Variants in FOXN3 observed in about 807,000 individuals in gnomAD.
The protein encoded by FOXN3 is forkhead box N3, also known as forkhead box protein N3.
Under a neutral mutation model 38.4 loss-of-function variants are expected in FOXN3, and 7 were observed. The ratio of observed to expected loss-of-function variants is 0.18; its 90% CI spans 0.10 to 0.34. The LOEUF (loss-of-function observed/expected upper bound fraction) is 0.34. Ranked by LOEUF, FOXN3 falls within the 10% of genes least tolerant of loss-of-function variation. FOXN3 has a pLI of 1.00. For synonymous variants in FOXN3, 230 were observed against 242.2 expected, an observed-to-expected ratio of 0.95 and a Z score of 0.47; for missense variants, 456 against 613.4, an observed-to-expected ratio of 0.74 and a Z score of 2.71.
intron 4 of FOXN3, among the ~76,000 whole-genome samples, chr14:89,204,237 C>T (rs1344222763): frequency 3.3e-5 from 5 of 152,150 alleles, no homozygotes; most frequent in South Asian, 4.1e-4. Context: ...ATTCTGGCTT[C>T]GGTCTGTCCA....
chr14:89,541,085 T>C (rs542649401), intron 1 of FOXN3, among the ~76,000 whole-genome samples: 45 of 152,272 alleles, frequency 3.0e-4, no homozygotes, highest in South Asian at 2.7e-3. Context: ...CATTGTGTCA[T>C]TGGAAGCTCA....
intron 2 of FOXN3, among the ~76,000 whole-genome samples, chr14:89,365,143 A>G (rs1890099010): frequency 6.6e-6 from 1 of 152,082 alleles, no homozygotes; most frequent in Non-Finnish European, 1.5e-5. Context: ...GTTACTCACT[A>G]TTTTGAGAGA....
chr14:89,467,151 C>G (rs947022653), intron 1 of FOXN3, among the ~76,000 whole-genome samples: 1 of 152,162 alleles, frequency 6.6e-6, no homozygotes, highest in Non-Finnish European at 1.5e-5. Flanking sequence ...CACGGTGGCT[C>G]TCCACCCAGA....
chr14:89,471,583 CA>C (rs1294514751), intron 1 of FOXN3, among the ~76,000 whole-genome samples: 1 of 151,360 alleles, frequency 6.6e-6, no homozygotes. Flanking sequence ...GACCTTGTCT[CA>C]AAAAAAAGAC....
intron 1 of FOXN3, among the ~76,000 whole-genome samples, chr14:89,493,542 C>CCAGCAAATGGTACTAAAAAGTAG (rs1416665454): frequency 1.3e-5 from 2 of 152,152 alleles, no homozygotes; most frequent in Non-Finnish European, 2.9e-5. Context: ...AACACAGATA[C>CCAGCAAATGGTACTAAAAAGTAG]CAGCAAATGG....
chr14:89,310,974 A>G (rs1887522061), intron 3 of FOXN3, among the ~76,000 whole-genome samples: 1 of 151,800 alleles, frequency 6.6e-6, no homozygotes, highest in South Asian at 2.1e-4. Context: ...GGCGTGGCAG[A>G]GCACACCTGT....
intron 2 of FOXN3, among the ~76,000 whole-genome samples, chr14:89,372,809 C>T (rs1414062976): frequency 6.6e-6 from 1 of 151,930 alleles, no homozygotes; most frequent in Admixed American, 6.6e-5. Flanking sequence ...TCTTTAATCG[C>T]TGAGGGAACT....
At chr14:89,260,293 C>T (rs1885755903) in intron 4 of FOXN3, among the ~76,000 whole-genome samples, 3 of 152,264 alleles carry the variant, frequency 2.0e-5, no homozygotes, top group African/African-American at 7.2e-5. Context: ...GAATTGCTTT[C>T]CCTTTTCTGT....
In FOXN3 at chr14:89,383,029, G is replaced by GTTT. The variant is rs57032907; in HGVS notation, c.543+28902_543+28904dup. On this transcript the variant is annotated intron_variant, in intron 2 of 5. Transcript: ENST00000557258. ...TGTTTGGAGCACAGTTTTGGGTGGTGTTTTTTTTTTTTTTTTTTTTTTTTT... is the reference window on the plus strand; with the variant it reads ...TGTTTGGAGCACAGTTTTGGGTGGTGTTTTTTTTTTTTTTTTTTTTTTTTTTTT... Among the ~76,000 whole-genome samples, 693 of 92,454 alleles carry GTTT rather than the reference G, an allele frequency of 7.5e-3. 5 individuals carry two copies. The highest frequency in any genetic ancestry group is 0.017 in the African/African-American group (405 of 24,326). 60.7% of individuals were successfully genotyped at this position (92,454 alleles called of 152,430 possible).
chr14:89,289,499 CT>C (rs1336559531), intron 3 of FOXN3, among the ~76,000 whole-genome samples: 1 of 152,220 alleles, frequency 6.6e-6, no homozygotes. Flanking sequence ...AGCAAAAGCA[CT>C]GTTTCCTCCC....
chr14:89,427,867 A>T (rs890278915), intron 1 of FOXN3, among the ~76,000 whole-genome samples: 6 of 151,984 alleles, frequency 3.9e-5, no homozygotes, highest in African/African-American at 1.4e-4. Context: ...TCTCCTTTTT[A>T]TCCCTCTCTC....
At chr14:89,194,038 C>T (rs751942719) in intron 4 of FOXN3, among the ~76,000 whole-genome samples, 1 of 152,018 alleles carries the variant, frequency 6.6e-6, no homozygotes, top group Non-Finnish European at 1.5e-5. Context: ...TTAGGTGGTT[C>T]AACTAGTATT....
intron 1 of FOXN3, among the ~76,000 whole-genome samples, chr14:89,556,335 G>A (rs1038814410): frequency 4.6e-5 from 7 of 151,742 alleles, no homozygotes; most frequent in Non-Finnish European, 1.0e-4. Context: ...CCCAGGAGGC[G>A]GAGGTTGCAG....
At chr14:89,359,535 A>G (rs1889372449) in intron 2 of FOXN3, among the ~76,000 whole-genome samples, 4 of 152,206 alleles carry the variant, frequency 2.6e-5, no homozygotes, top group Admixed American at 2.6e-4. Flanking sequence ...TCTCAGATGC[A>G]CTAAGATAGA....
chr14:89,226,467 G>T (rs1037677516), intron 4 of FOXN3, among the ~76,000 whole-genome samples: 21 of 151,980 alleles, frequency 1.4e-4, no homozygotes, highest in African/African-American at 4.6e-4. Flanking sequence ...GTAGAGATGG[G>T]GCCTCACTAT....
intron 4 of FOXN3, among the ~76,000 whole-genome samples, chr14:89,266,286 C>A (rs1388455160): frequency 6.6e-6 from 1 of 152,198 alleles, no homozygotes; most frequent in Non-Finnish European, 1.5e-5. Context: ...TGACCGACTT[C>A]TCACTGTGTC....
chr14:89,395,962 C>T (rs1891088233), intron 2 of FOXN3, among the ~76,000 whole-genome samples: 1 of 152,134 alleles, frequency 6.6e-6, no homozygotes, highest in South Asian at 2.1e-4. Context: ...CTCCACATAA[C>T]ATCAGCACCA....
chr14:89,171,113 T>C (rs1329835032), intron 5 of FOXN3, among the ~76,000 whole-genome samples: 1 of 151,336 alleles, frequency 6.6e-6, no homozygotes, highest in African/African-American at 2.4e-5. Context: ...ACAAATGAAA[T>C]AAGGAATAAA....
intron 3 of FOXN3, among the ~76,000 whole-genome samples, chr14:89,318,604 A>G (rs1887804305): frequency 6.6e-6 from 1 of 152,184 alleles, no homozygotes; most frequent in Admixed American, 6.5e-5. Flanking sequence ...GTTATCAAGC[A>G]CCTTTTATGT....
Sources: allele counts gnomAD v4.1 joint callset (sites outside exome capture counted in the v4.1 genomes callset), GRCh38; gene constraint gnomAD v4.1.1; transcripts MANE v1.5; gene names NCBI Gene and HGNC (gene_info 2026-07-23, HGNC 2026-07-21).